Variants in ZFPM1 observed in about 807,000 individuals in gnomAD.
The protein encoded by ZFPM1 is zinc finger protein, FOG family member 1.
Under a neutral mutation model 46.3 loss-of-function variants are expected in ZFPM1, and 28 were observed. That is an observed-to-expected ratio of 0.60 (90% CI 0.45 to 0.83). ZFPM1 has a LOEUF of 0.83. ZFPM1 is among the 40% of genes least tolerant of loss of function. ZFPM1 has a pLI of 0.00. For missense variants in ZFPM1, 1,878 were observed against 1,432.4 expected, an observed-to-expected ratio of 1.31 and a Z score of -5.02; for synonymous variants, 957 against 675.9, an observed-to-expected ratio of 1.42 and a Z score of -6.45.
intron 3 of ZFPM1, among the ~76,000 whole-genome samples, chr16:88,510,341 T>G (rs952672305): frequency 6.6e-6 from 1 of 152,204 alleles, no homozygotes; most frequent in Non-Finnish European, 1.5e-5. Flanking sequence ...TTCCCCACTC[T>G]GTGGGGTTGG....
chr16:88,460,931 AGG>A (rs1907799881), intron 1 of ZFPM1, among the ~76,000 whole-genome samples: 1 of 55,006 alleles, frequency 1.8e-5, no homozygotes, highest in Admixed American at 2.3e-4. Context: ...GCGGGGCGGG[AGG>A]CCTGGTGATG....
At chr16:88,481,365 C>G (rs1908927812) in intron 1 of ZFPM1, among the ~76,000 whole-genome samples, 1 of 152,180 alleles carries the variant, frequency 6.6e-6, no homozygotes, top group East Asian at 1.9e-4. Context: ...CGGGGAAGGG[C>G]TACGTGCTGG....
intron 3 of ZFPM1, among the ~76,000 whole-genome samples, chr16:88,493,681 G>A (rs529236785): frequency 1.3e-5 from 2 of 150,086 alleles, no homozygotes; most frequent in African/African-American, 5.0e-5. Flanking sequence ...CCCGGGTTGC[G>A]GAGAGCTGTC....
rs191526425 is a variant in ZFPM1 at position 88,477,452 on chromosome 16, A to T, written c.41-8487A>T. On this transcript the variant is annotated intron_variant, in intron 1 of 9. Transcript: ENST00000319555. ...TGTTACCACCATACCCATTTCCAGC[A>T]AACTTTCCTGCCTTTAAAAGCCAAA... is the stretch of plus-strand genomic sequence containing the variant. Among the ~76,000 whole-genome samples, 191 of 152,340 alleles carry T rather than the reference A, an allele frequency of 1.3e-3. 1 individual carries two copies. The highest frequency in any genetic ancestry group is 1.9e-3 in the Non-Finnish European group (126 of 68,038).
intron 2 of ZFPM1, 42 bp downstream of exon 2, chr16:88,486,085 C>T (rs1909208341): frequency 6.4e-7 from 1 of 1,566,708 alleles, no homozygotes; most frequent in Non-Finnish European, 8.7e-7. Context: ...CCAGCCGGGG[C>T]CTCCATTGCT....
In ZFPM1 at chr16:88,533,522, G is replaced by A; in HGVS notation, c.1564G>A (p.Gly522Arg). ...GGTGCCCGGCGAGCTGGGCCTGGCC[G>A]GGGCCCTGTTCCTTCCGCAGTACGT... ...SPVPGELGLA[G>R]ALFLPQYVFG... Residue 522 changes from glycine to arginine, a missense_variant, in exon 10 of 10, where the codon GGG (glycine) becomes AGG (arginine). Physicochemically the swap from Gly to Arg is moderately radical, Grantham distance 125 (BLOSUM62 -2). Coordinates refer to ENST00000319555, the MANE Select transcript of ZFPM1 (RefSeq NM_153813.3). The A allele has an allele frequency of 4.2e-6, 6 of 1,431,500 alleles. No homozygotes were observed. Among genetic ancestry groups the A allele is most frequent in the Non-Finnish European group, 5.5e-6 (6 of 1,096,816 alleles). The allele number at this position is 1,431,500 out of a possible 1,614,324, so 88.7% of individuals were successfully genotyped here. A position where few individuals can be genotyped will look rare whatever the true frequency, so the allele number is the denominator to read the frequency against.
intron 3 of ZFPM1, among the ~76,000 whole-genome samples, chr16:88,512,054 CCT>C (rs1910997078): frequency 6.6e-6 from 1 of 152,232 alleles, no homozygotes; most frequent in Non-Finnish European, 1.5e-5. Context: ...CAGAGCCAGC[CCT>C]CTCTGGCAGT....
intron 3 of ZFPM1, among the ~76,000 whole-genome samples, chr16:88,512,566 A>G (rs1911031404): frequency 7.3e-6 from 1 of 137,432 alleles, no homozygotes; most frequent in Middle Eastern, 3.5e-3. Flanking sequence ...CCCAGGCCCC[A>G]GCAGGAGAGC....
intron 3 of ZFPM1, among the ~76,000 whole-genome samples, chr16:88,496,326 G>A (rs974386514): frequency 2.0e-5 from 3 of 152,110 alleles, no homozygotes; most frequent in African/African-American, 7.2e-5. Flanking sequence ...CCTGGCCTTG[G>A]AGACAGGCTG....
At chr16:88,498,487 T>C (rs1328952686) in intron 3 of ZFPM1, among the ~76,000 whole-genome samples, 1 of 152,148 alleles carries the variant, frequency 6.6e-6, no homozygotes, top group African/African-American at 2.4e-5. Flanking sequence ...CCAGCGTGTG[T>C]ATGAGGGACG....
chr16:88,481,841 G>A (rs886089098), intron 1 of ZFPM1, among the ~76,000 whole-genome samples: 12 of 152,144 alleles, frequency 7.9e-5, no homozygotes, highest in Non-Finnish European at 2.9e-5. Flanking sequence ...AGCACCGCCC[G>A]TCCAGTCTTA....
chr16:88,527,896 A>C, intron 5 of ZFPM1, 136 bp from the exon 6 acceptor site: 1 of 833,088 alleles, frequency 1.2e-6, no homozygotes, highest in Non-Finnish European at 1.8e-6. Context: ...CCCAGGCAGG[A>C]TGGCCCTGGC....
chr16:88,523,470 G>T (rs2142462835), intron 4 of ZFPM1, among the ~76,000 whole-genome samples: 1 of 152,320 alleles, frequency 6.6e-6, no homozygotes. Context: ...GGATGGGCGG[G>T]TGGCCCCGGG....
intron 2 of ZFPM1, 34 bp downstream of exon 2, chr16:88,486,077 AGCCGGG>A (rs1473965973): frequency 6.3e-7 from 1 of 1,585,108 alleles, no homozygotes; most frequent in Non-Finnish European, 8.6e-7. Context: ...CCGCGCCTCC[AGCCGGG>A]GCCTCCATTG....
rs1434016508 is a variant in ZFPM1 at position 88,533,276 on chromosome 16, G to A, written c.1318G>A (p.Glu440Lys). 9.7e-6 allele frequency: 14 copies of A among 1,436,386 alleles called. No individual in the cohort carries two copies. The highest frequency in any genetic ancestry group is 1.1e-5 in the Non-Finnish European group (12 of 1,104,262). 89.0% of individuals were successfully genotyped at this position (1,436,386 alleles called of 1,614,324 possible). Reference sequence around the variant, plus strand: ...GGCCCTGGCCGAGGCCACCAACGGAGAGGCCAGAGCGGAGCCTCTGGCCCA... The same window carrying A: ...GGCCCTGGCCGAGGCCACCAACGGAAAGGCCAGAGCGGAGCCTCTGGCCCA... The part of the protein sequence containing the change: ...RKALAEATNG[E>K]ARAEPLAQNG... The change falls in exon 10 of 10, where the codon GAG (glutamate) becomes AAG (lysine). Residue 440 changes from glutamate to lysine, a missense_variant. Transcript: ENST00000319555.
chr16:88,485,360 G>C lies in ZFPM1; in HGVS notation c.41-579G>C, dbSNP rs921306874. Among the ~76,000 whole-genome samples the C allele has an allele frequency of 7.9e-5, 12 of 152,222 alleles. No individual in the cohort carries two copies. The East Asian group carries it at 1.5e-3, about 20-fold the overall frequency. On this transcript the variant is annotated intron_variant, in intron 1 of 9. Coordinates refer to ENST00000319555, the MANE Select transcript of ZFPM1 (RefSeq NM_153813.3). Reference sequence around the variant, plus strand: ...GGGCGTGGTGGAGGCCAAGGGTCACGGCAGGTAAGGGTGGGCGGAGGCGAC... The same window carrying C: ...GGGCGTGGTGGAGGCCAAGGGTCACCGCAGGTAAGGGTGGGCGGAGGCGAC...
intron 3 of ZFPM1, among the ~76,000 whole-genome samples, chr16:88,495,066 G>T (rs552723776): frequency 6.6e-6 from 1 of 152,214 alleles, no homozygotes; most frequent in African/African-American, 2.4e-5. Context: ...CTGCAGGCCC[G>T]TCCCATCGTG....
chr16:88,461,966 C>G (rs1366669308), intron 1 of ZFPM1, among the ~76,000 whole-genome samples: 5 of 152,236 alleles, frequency 3.3e-5, no homozygotes, highest in Non-Finnish European at 7.3e-5. Flanking sequence ...TTTCTCTGGG[C>G]ACTGCCCACT....
chr16:88,486,749 G>A (rs555285771), intron 2 of ZFPM1, among the ~76,000 whole-genome samples: 110 of 150,440 alleles, frequency 7.3e-4, no homozygotes, highest in Non-Finnish European at 1.3e-3. Flanking sequence ...GCGGATGGGT[G>A]CTGGGTGCAC....
Sources: allele counts gnomAD v4.1 joint callset (sites outside exome capture counted in the v4.1 genomes callset), GRCh38; gene constraint gnomAD v4.1.1; transcripts MANE v1.5; gene names NCBI Gene and HGNC (gene_info 2026-07-23, HGNC 2026-07-21).